The following PTBP1 variants were observed in gnomAD, a reference collection of about 807,000 sequenced individuals.
PTBP1 encodes polypyrimidine tract-binding protein 1.
PTBP1 carries 8 observed loss-of-function variants against 59.8 expected under a neutral mutation model. The ratio of observed to expected loss-of-function variants is 0.13; its 90% CI spans 0.08 to 0.24. PTBP1 has a LOEUF of 0.24. Among genes scored for constraint, PTBP1 ranks in the 10% least tolerant of loss-of-function variants. The pLI, the probability that PTBP1 is intolerant of heterozygous loss-of-function variation, is 1.00. For missense variants in PTBP1, 686 were observed against 767.0 expected, an observed-to-expected ratio of 0.89 and a Z score of 1.25; for synonymous variants, 490 against 320.7, an observed-to-expected ratio of 1.53 and a Z score of -5.64.
intron 1 of PTBP1, chr19:798,500 C>G (rs951101954): frequency 6.6e-6 from 1 of 152,302 alleles, no homozygotes; most frequent in Non-Finnish European, 1.5e-5. Context: ...TCAGAAGAGG[C>G]GCAGCCCTAG....
chr19:809,803 G>GGT (rs1370588082), intron 13 of PTBP1, among the ~76,000 whole-genome samples: 1 of 152,196 alleles, frequency 6.6e-6, no homozygotes, highest in African/African-American at 2.4e-5. Flanking sequence ...GGGAGGTTGA[G>GGT]GTGGGAGGTT....
In PTBP1 at chr19:808,438, A is replaced by C. The variant is rs202193666; in HGVS notation, c.1232A>C (p.Asn411Thr). ...GCCCTAGTGCAGATGGCGGACGGCA[A>C]CCAGGCCCAGCTGGGTAAGAGGCCG... ...ENALVQMADGNQAQLAMSHLN... is the reference protein window; with the variant it reads ...ENALVQMADGTQAQLAMSHLN... Residue 411 changes from asparagine to threonine, a missense_variant, in exon 12 of 15, where the codon AAC (asparagine) becomes ACC (threonine). Asn to Thr is a moderately conservative substitution (Grantham distance 65, BLOSUM62 0). Transcript: ENST00000356948. The surrounding 1 kb of genome is among the most constrained non-coding windows in gnomAD (Gnocchi z 4.7). The C allele has an allele frequency of 6.2e-7, 1 of 1,603,976 alleles. No homozygotes were observed. The highest frequency in any genetic ancestry group is 8.5e-7 in the Non-Finnish European group (1 of 1,176,694).
intron 2 of PTBP1, among the ~76,000 whole-genome samples, chr19:800,315 T>C (rs1242633697): frequency 6.6e-6 from 1 of 152,064 alleles, no homozygotes; most frequent in Non-Finnish European, 1.5e-5. Context: ...GAAAAATGAA[T>C]GTGCCACGTC....
chr19:801,436 A>G (rs2034329610), intron 2 of PTBP1, among the ~76,000 whole-genome samples: 1 of 152,254 alleles, frequency 6.6e-6, no homozygotes, highest in Non-Finnish European at 1.5e-5. Context: ...CCACTTGCCC[A>G]TGGGAATGAG....
In PTBP1 at chr19:799,362, G is replaced by C. The variant is rs372184478; in HGVS notation, c.9-51G>C. ...GGCCCGGGGACAGCTGGGTGCTCCT[G>C]CTGCTGAGTGGCCACCAGGCTAACG... On this transcript the variant is annotated intron_variant, in intron 1 of 14. Transcript: ENST00000356948. 23 of 1,581,570 alleles carry C rather than the reference G, an allele frequency of 1.5e-5. No individual in the cohort carries two copies. In the Middle Eastern group the frequency reaches 5.0e-4, roughly 34 times the overall value.
chr19:799,195 A>T (rs1355630457), intron 1 of PTBP1: 1 of 628,844 alleles, frequency 1.6e-6, no homozygotes, highest in Non-Finnish European at 2.9e-6. Context: ...AGGGGCGCCA[A>T]AGGACAATGG....
Position 810,540 on chromosome 19 carries a change from C to T in PTBP1, c.1464-3C>T, listed in dbSNP as rs929013548. 5.0e-6 allele frequency: 8 copies of T among 1,612,784 alleles called. No individual in the cohort carries two copies. The Admixed American group carries it at 5.0e-5, about 10-fold the overall frequency. On this transcript the variant is annotated splice_region_variant and splice_polypyrimidine_tract_variant and intron_variant, in intron 13 of 14. Transcript: ENST00000356948. ...CCAGGCTCACGCCTTTCTCCTCCCA[C>T]AGGCCCTCAGTCTCCGAGGAGGATC...
rs1281279469 is a variant in PTBP1, at chr19:811,801, C to T, written c.*975C>T. 2.0e-5 allele frequency: 3 copies of T among 152,506 alleles called. No individual in the cohort carries two copies. Among genetic ancestry groups the T allele is most frequent in the Non-Finnish European group, 4.4e-5 (3 of 68,052 alleles). 9.4% of individuals were successfully genotyped at this position (152,506 alleles called of 1,614,324 possible). A position where few individuals can be genotyped will look rare whatever the true frequency, so the allele number is the denominator to read the frequency against. On this transcript the variant is annotated 3_prime_UTR_variant, in exon 15 of 15. Transcript: ENST00000356948. ...TTGCCTTACACCACGCCTTCACCTG[C>T]AGTCGCCTAGAAAACTTGCTCTCAA...
At chr19:804,470 C>T (rs373237372) in intron 5 of PTBP1, 32 bp downstream of exon 5, 52 of 1,598,896 alleles carry the variant, frequency 3.3e-5, no homozygotes, top group South Asian at 5.5e-5. Flanking sequence ...CCCAGCAGCC[C>T]GGGGACCTCG....
intron 2 of PTBP1, among the ~76,000 whole-genome samples, chr19:801,687 C>A (rs1166158083): frequency 6.6e-6 from 1 of 152,238 alleles, no homozygotes; most frequent in African/African-American, 2.4e-5. Flanking sequence ...CAGGAAGCGA[C>A]TTCCTGTGGG....
chr19:810,640 TC>T lies in PTBP1; in HGVS notation c.1541+23del. 1 of 1,612,410 alleles carries T rather than the reference TC, an allele frequency of 6.2e-7. No individual in the cohort carries two copies. The highest frequency in any genetic ancestry group is 8.5e-7 in the Non-Finnish European group (1 of 1,179,502). Reference sequence around the variant, plus strand: ...CTTCCAGTGAGTATGAGGCGGGCTGTCCCTGGCTCTCCCCAGGCTGCCCTGC... The same window carrying T: ...CTTCCAGTGAGTATGAGGCGGGCTGTCCTGGCTCTCCCCAGGCTGCCCTGC... On this transcript the variant is annotated intron_variant, in intron 14 of 14. Coordinates refer to ENST00000356948, the MANE Select transcript of PTBP1 (RefSeq NM_002819.5).
In PTBP1 at chr19:811,838, T is replaced by C. The variant is rs1475070602; in HGVS notation, c.*1012T>C. ...AAACTTGCTCTCAAACTTCAGGGTT[T>C]TTTCTTCCTTCAAATTTTGGACCAA... On this transcript the variant is annotated 3_prime_UTR_variant, in exon 15 of 15. Coordinates refer to ENST00000356948, the MANE Select transcript of PTBP1 (RefSeq NM_002819.5). 1 of 152,438 alleles carries C rather than the reference T, an allele frequency of 6.6e-6. No homozygotes were observed. The highest frequency in any genetic ancestry group is 1.5e-5 in the Non-Finnish European group (1 of 68,024). 9.4% of individuals were successfully genotyped at this position (152,438 alleles called of 1,614,324 possible).
At chr19:798,213 C>T (rs1288113643) in intron 1 of PTBP1, among the ~76,000 whole-genome samples, 1 of 152,064 alleles carries the variant, frequency 6.6e-6, no homozygotes, top group African/African-American at 2.4e-5. Context: ...TCTCCAGGGA[C>T]CCCCGCGGGC....
Position 808,371 on chromosome 19 carries a change from G to A in PTBP1, c.1165G>A (p.Asp389Asn). 6.2e-7 allele frequency: 1 copy of A among 1,600,736 alleles called. No homozygotes were observed. Among genetic ancestry groups the A allele is most frequent in the Non-Finnish European group, 8.5e-7 (1 of 1,174,980 alleles). ...CTGGGCTTTTGAAGGCGTCTACGGTGACGTGCAGCGCGTGAAGATCCTGTT... is the reference window on the plus strand; with the variant it reads ...CTGGGCTTTTGAAGGCGTCTACGGTAACGTGCAGCGCGTGAAGATCCTGTT... ...SLFILFGVYG[D>N]VQRVKILFNK... Residue 389 changes from aspartate (D) to asparagine (N), a missense_variant, in exon 12 of 15, where the codon GAC becomes AAC. Physicochemically the swap from Asp to Asn is conservative, Grantham distance 23 (BLOSUM62 1). Transcript: ENST00000356948. This position sits in a 1 kb window ranked among gnomAD's most constrained non-coding sequence, Gnocchi z 4.7.
intron 1 of PTBP1, 78 bp from the exon 2 acceptor site, chr19:799,335 C>T: frequency 1.4e-6 from 2 of 1,398,460 alleles, no homozygotes; most frequent in African/African-American, 1.4e-5. Flanking sequence ...ACGGGCTCTC[C>T]TGGCCCGGGG....
intron 1 of PTBP1, chr19:799,195 A>G: frequency 1.6e-6 from 1 of 628,962 alleles, no homozygotes; most frequent in Non-Finnish European, 2.9e-6. Context: ...AGGGGCGCCA[A>G]AGGACAATGG....
chr19:808,062 G>A lies in PTBP1; in HGVS notation c.1153+160G>A, dbSNP rs945704602. On this transcript the variant is annotated intron_variant, in intron 11 of 14. Coordinates refer to ENST00000356948, the MANE Select transcript of PTBP1 (RefSeq NM_002819.5). The surrounding 1 kb of genome is among the most constrained non-coding windows in gnomAD (Gnocchi z 4.7). ...CGGTTTGCGAATTTTATTTGGTCCC[G>A]TAGATACGTACGCATGGTTTATCGC... is the stretch of plus-strand genomic sequence containing the variant. The A allele has an allele frequency of 8.3e-6, 6 of 718,594 alleles. No homozygotes were observed. The African/African-American group carries it at 8.8e-5, about 11-fold the overall frequency. The allele number at this position is 718,594 out of a possible 1,614,324, so 44.5% of individuals were successfully genotyped here.
chr19:805,411 G>T, intron 8 of PTBP1, 81 bp from the exon 9 acceptor site: 1 of 1,426,662 alleles, frequency 7.0e-7, no homozygotes, highest in Non-Finnish European at 9.9e-7. Context: ...CCGCCGGCCG[G>T]GTTGGGGCCC....
chr19:797,953 A>G (rs1437086140), intron 1 of PTBP1, among the ~76,000 whole-genome samples: 2 of 147,604 alleles, frequency 1.4e-5, no homozygotes, highest in South Asian at 2.1e-4. Flanking sequence ...CGCGGCCGCC[A>G]TCGGGGGCGC....
Sources: allele counts gnomAD v4.1 joint callset (sites outside exome capture counted in the v4.1 genomes callset), GRCh38; gene constraint gnomAD v4.1.1; non-coding constraint Gnocchi (gnomAD v3.1); transcripts MANE v1.5; gene names NCBI Gene and HGNC (gene_info 2026-07-23, HGNC 2026-07-21).